NALCN: variants seen among roughly 807,000 people sequenced by gnomAD.
NALCN encodes the protein sodium leak channel NALCN.
In NALCN, 111 loss-of-function variants were observed where a neutral mutation model predicts 225.3. The observed-to-expected ratio is 0.49, with a 90% CI of 0.42 to 0.58. The LOEUF is 0.58. Ranked by LOEUF, NALCN falls within the 20% of genes least tolerant of loss-of-function variation. The pLI is 0.00. For synonymous variants in NALCN, 764 were observed against 769.0 expected, an observed-to-expected ratio of 0.99 and a Z score of 0.11; for missense variants, 1,378 against 2,202.4, an observed-to-expected ratio of 0.63 and a Z score of 7.49.
chr13:101,122,598 T>C (rs2036031628), intron 18 of NALCN, among the ~76,000 whole-genome samples: 2 of 152,342 alleles, frequency 1.3e-5, no homozygotes, highest in Middle Eastern at 3.4e-3. Context: ...CCACGTTAAA[T>C]AGAAGAATGT....
Position 101,182,982 on chromosome 13 carries a change from T to C in NALCN, c.1765-6608A>G, listed in dbSNP as rs555032911. Reference sequence around the variant, plus strand: ...ATTTTCCTACAAACCCAGTGCAATGTGGATTTGGACTGAAAGAGCAGGTCG... The same window carrying C: ...ATTTTCCTACAAACCCAGTGCAATGCGGATTTGGACTGAAAGAGCAGGTCG... On this transcript the variant is annotated intron_variant, in intron 14 of 43. Coordinates refer to ENST00000251127, the MANE Select transcript of NALCN (RefSeq NM_052867.4). 1.8e-4 allele frequency among the ~76,000 whole-genome samples: 28 copies of C among 152,314 alleles called. 1 individual carries two copies. The East Asian group carries it at 4.4e-3, about 24-fold the overall frequency.
chr13:101,248,906 T>A (rs993560102), intron 11 of NALCN, among the ~76,000 whole-genome samples: 1 of 152,138 alleles, frequency 6.6e-6, no homozygotes. Flanking sequence ...CCTGTTGATA[T>A]GTCATATGAT....
At chr13:101,376,235 C>A (rs1020582182) in intron 6 of NALCN, among the ~76,000 whole-genome samples, 1 of 152,148 alleles carries the variant, frequency 6.6e-6, no homozygotes, top group Non-Finnish European at 1.5e-5. Flanking sequence ...TATGTTAGCA[C>A]ACTCCCCATT....
At chr13:101,367,986 A>ATTTATTATAT (rs1555342439) in intron 6 of NALCN, among the ~76,000 whole-genome samples, 5 of 148,240 alleles carry the variant, frequency 3.4e-5, no homozygotes, top group African/African-American at 1.3e-4. Flanking sequence ...CTTTTTTGAA[A>ATTTATTATAT]TTTATTTTAT....
intron 10 of NALCN, among the ~76,000 whole-genome samples, chr13:101,272,109 CTG>C (rs1321834579): frequency 2.7e-5 from 4 of 150,900 alleles, no homozygotes; most frequent in South Asian, 2.1e-4. Flanking sequence ...ATGTGTGTGT[CTG>C]TGTCACTGTG....
chr13:101,220,955 G>A (rs1436662084), intron 13 of NALCN, among the ~76,000 whole-genome samples: 2 of 152,120 alleles, frequency 1.3e-5, no homozygotes, highest in South Asian at 2.1e-4. Context: ...TTACATCTTG[G>A]TTGTGAAGAA....
chr13:101,363,378 T>TA (rs533291296), intron 6 of NALCN, among the ~76,000 whole-genome samples: 21 of 151,964 alleles, frequency 1.4e-4, no homozygotes, highest in East Asian at 3.9e-4. Context: ...ATGGTACTGG[T>TA]AAAAAAACAG....
At chr13:101,301,267 C>T (rs181835355) in intron 7 of NALCN, among the ~76,000 whole-genome samples, 12 of 152,288 alleles carry the variant, frequency 7.9e-5, no homozygotes, top group Admixed American at 2.6e-4. Context: ...GCACTCCCTG[C>T]GCCCCCTGCG....
chr13:101,058,423 G>GTTTTAGAAT, intron 42 of NALCN: 1 of 190,520 alleles, frequency 5.2e-6, no homozygotes, highest in Non-Finnish European at 1.1e-5. Context: ...GGGCTGGGCG[G>GTTTTAGAAT]GGGCAGTCTA....
intron 2 of NALCN, among the ~76,000 whole-genome samples, chr13:101,396,634 C>T (rs902426594): frequency 1.7e-4 from 26 of 152,128 alleles, no homozygotes; most frequent in African/African-American, 5.3e-4. Context: ...ATTCAGTTTA[C>T]TTTAAAGGTT....
chr13:101,061,633 C>T (rs1737876468), intron 41 of NALCN, among the ~76,000 whole-genome samples: 1 of 152,152 alleles, frequency 6.6e-6, no homozygotes, highest in Non-Finnish European at 1.5e-5. Flanking sequence ...GAGCTCCCCC[C>T]TTGACCTCTC....
At chr13:101,146,479 A>G (rs1013693819) in intron 15 of NALCN, among the ~76,000 whole-genome samples, 1 of 152,236 alleles carries the variant, frequency 6.6e-6, no homozygotes, top group African/African-American at 2.4e-5. Flanking sequence ...ACAGTTAGAA[A>G]AATGATTCCA....
At chr13:101,386,955 C>A (rs963980952) in intron 3 of NALCN, among the ~76,000 whole-genome samples, 1 of 152,108 alleles carries the variant, frequency 6.6e-6, no homozygotes, top group African/African-American at 2.4e-5. Context: ...GGCGCGGTGG[C>A]TCACGCCTGT....
intron 11 of NALCN, among the ~76,000 whole-genome samples, chr13:101,238,266 T>G (rs2041636307): frequency 6.6e-6 from 1 of 151,918 alleles, no homozygotes; most frequent in African/African-American, 2.4e-5. Context: ...GTTGTATTTT[T>G]TAAGATAAAA....
chr13:101,140,214 C>T (rs1003063004), intron 17 of NALCN, among the ~76,000 whole-genome samples: 1 of 152,110 alleles, frequency 6.6e-6, no homozygotes, highest in Non-Finnish European at 1.5e-5. Flanking sequence ...TGGGATAAAA[C>T]GTGTTATTCC....
chr13:101,248,095 T>C (rs888206098), intron 11 of NALCN, among the ~76,000 whole-genome samples: 1 of 152,222 alleles, frequency 6.6e-6, no homozygotes, highest in African/African-American at 2.4e-5. Flanking sequence ...ATTCCATGTC[T>C]TTGCTATTGT....
intron 18 of NALCN, among the ~76,000 whole-genome samples, chr13:101,120,517 AC>A (rs1488896875): frequency 2.3e-5 from 3 of 129,578 alleles, no homozygotes; most frequent in African/African-American, 1.3e-4. Flanking sequence ...TCAATGCCAA[AC>A]TTAAAAAAAA....
chr13:101,191,528 G>A (rs2039679622), intron 14 of NALCN, among the ~76,000 whole-genome samples: 1 of 152,116 alleles, frequency 6.6e-6, no homozygotes, highest in Non-Finnish European at 1.5e-5. Flanking sequence ...TTTAATTACA[G>A]CTGTGAAGAG....
intron 15 of NALCN, among the ~76,000 whole-genome samples, chr13:101,171,952 C>G (rs1006701341): frequency 6.6e-6 from 1 of 152,202 alleles, no homozygotes; most frequent in Admixed American, 6.5e-5. Context: ...AGTGCTGCCA[C>G]TTAGAATTTT....
Sources: allele counts gnomAD v4.1 joint callset (sites outside exome capture counted in the v4.1 genomes callset), GRCh38; gene constraint gnomAD v4.1.1; transcripts MANE v1.5; gene names NCBI Gene and HGNC (gene_info 2026-07-23, HGNC 2026-07-21).